Variants in RPH3AL observed in about 807,000 individuals in gnomAD.
RPH3AL encodes rab effector Noc2.
In RPH3AL, 38 loss-of-function variants were observed where a neutral mutation model predicts 43.1. The observed-to-expected ratio is 0.88, with a 90% CI of 0.68 to 1.15. The LOEUF (loss-of-function observed/expected upper bound fraction) is 1.15, where lower values mean the gene tolerates loss of function less well. Ranked by LOEUF, RPH3AL falls within the 50% of genes most tolerant of loss-of-function variation. RPH3AL has a pLI of 0.00. For synonymous variants in RPH3AL, 189 were observed against 176.3 expected (o/e 1.07, Z -0.57); for missense variants, 462 against 423.2 (o/e 1.09, Z -0.81).
chr17:332,691 TCAAGATTCCC>T lies in RPH3AL; in HGVS notation c.-37+1058_-37+1067del, dbSNP rs372449822. On this transcript the variant is annotated intron_variant, in intron 2 of 9. Coordinates refer to ENST00000331302, the MANE Select transcript of RPH3AL (RefSeq NM_006987.4). ...TGCTGACTCACAGGCCGTTTGTCCCTCAAGATTCCCCACGGGGTAGTCGGCCTCAAGGCAG... is the reference window on the plus strand; with the variant it reads ...TGCTGACTCACAGGCCGTTTGTCCCTCACGGGGTAGTCGGCCTCAAGGCAG... 642 of 241,670 alleles carry T rather than the reference TCAAGATTCCC, an allele frequency of 2.7e-3. 4 individuals carry two copies. Among genetic ancestry groups the T allele is most frequent in the African/African-American group, 0.013 (594 of 45,920 alleles). The allele number at this position is 241,670 out of a possible 1,614,324, so 15.0% of individuals were successfully genotyped here.
At position 264,960 on chromosome 17, in the gene RPH3AL, G is replaced by T. The variant is rs1440694892; in HGVS notation, c.438+16808C>A. ...TATAAGAAATTATGCTTTGAAAGTA[G>T]ATATAAAAGAATCAGTTAACAAAAC... On this transcript the variant is annotated intron_variant, in intron 6 of 9. Transcript: ENST00000331302. The surrounding 1 kb of genome is among the most constrained non-coding windows in gnomAD (Gnocchi z 4.8). Among the ~76,000 whole-genome samples the T allele has an allele frequency of 6.6e-6, 1 of 152,132 alleles. No individual in the cohort carries two copies. Among genetic ancestry groups the T allele is most frequent in the Non-Finnish European group, 1.5e-5 (1 of 68,024 alleles).
At chr17:286,465 G>A (rs1008803387) in intron 5 of RPH3AL, among the ~76,000 whole-genome samples, 3 of 152,120 alleles carry the variant, frequency 2.0e-5, no homozygotes, top group South Asian at 2.1e-4. Context: ...CCTAAGAGGC[G>A]AGGGCTACGG....
chr17:339,650 T>C (rs1282736572), intron 1 of RPH3AL: 1 of 152,228 alleles, frequency 6.6e-6, no homozygotes, highest in African/African-American at 2.4e-5. Flanking sequence ...TGGCACCAGG[T>C]GCCCAGTTTG....
intron 6 of RPH3AL, among the ~76,000 whole-genome samples, chr17:278,032 C>T (rs1214554279): frequency 6.6e-6 from 1 of 152,032 alleles, no homozygotes; most frequent in African/African-American, 2.4e-5. Context: ...ATGGTCTGAC[C>T]CACTCTATCG....
At chr17:321,238 T>C (rs1242089871) in intron 4 of RPH3AL, 34 bp downstream of exon 4, 2 of 1,590,790 alleles carry the variant, frequency 1.3e-6, no homozygotes, top group Non-Finnish European at 1.7e-6. Flanking sequence ...GCCCTTGCTG[T>C]CCTCCCACTG....
At chr17:214,805 T>TG (rs1489124571) in intron 9 of RPH3AL, 1 of 151,412 alleles carries the variant, frequency 6.6e-6, no homozygotes, top group Non-Finnish European at 1.5e-5. Context: ...TGGTTCAACC[T>TG]GGGGGTCTGC....
chr17:261,260 A>G (rs781797845), intron 6 of RPH3AL, among the ~76,000 whole-genome samples: 12 of 152,198 alleles, frequency 7.9e-5, no homozygotes, highest in Non-Finnish European at 1.5e-4. Flanking sequence ...GTGAGTGACA[A>G]TGGACCTTGG....
chr17:242,853 T>A (rs2041599352), intron 7 of RPH3AL, among the ~76,000 whole-genome samples: 1 of 133,778 alleles, frequency 7.5e-6, no homozygotes, highest in Non-Finnish European at 1.7e-5. Context: ...TTGATTACCT[T>A]CCTCTATTGA....
intron 2 of RPH3AL, chr17:332,913 A>AGGG: frequency 1.2e-6 from 1 of 861,214 alleles, no homozygotes; most frequent in East Asian, 6.4e-5. Flanking sequence ...CCCGCAGTAC[A>AGGG]GGGACTAGGA....
intron 6 of RPH3AL, among the ~76,000 whole-genome samples, chr17:278,338 A>G (rs1026838168): frequency 6.6e-6 from 1 of 152,162 alleles, no homozygotes; most frequent in African/African-American, 2.4e-5. Context: ...CCGTGAGTCC[A>G]TCAAGCCTCT....
intron 5 of RPH3AL, among the ~76,000 whole-genome samples, chr17:318,986 C>T (rs1271326641): frequency 6.6e-6 from 1 of 152,162 alleles, no homozygotes; most frequent in African/African-American, 2.4e-5. Context: ...TTATTGAGTG[C>T]CTATGTACCA....
chr17:281,936 G>A (rs1038981695), intron 5 of RPH3AL, 82 bp from the exon 6 acceptor site: 1 of 1,012,204 alleles, frequency 9.9e-7, no homozygotes. Context: ...GTAACGAAGG[G>A]ACACTTAGCA....
chr17:331,881 C>A lies in RPH3AL; in HGVS notation c.-37+1878G>T, dbSNP rs1240271095. On this transcript the variant is annotated intron_variant, in intron 2 of 9. Transcript: ENST00000331302. ...CTTGTACTCAGGTATGACCATTTGT[C>A]CTGGACAAAAATTAAACTGATGAGG... The A allele has an allele frequency of 2.3e-6, 3 of 1,288,722 alleles. No homozygotes were observed. In the African/African-American group the frequency reaches 4.6e-5, roughly 20 times the overall value. 79.8% of individuals were successfully genotyped at this position (1,288,722 alleles called of 1,614,324 possible).
intron 5 of RPH3AL, among the ~76,000 whole-genome samples, chr17:318,093 T>C (rs1171168542): frequency 6.6e-6 from 1 of 152,186 alleles, no homozygotes; most frequent in Non-Finnish European, 1.5e-5. Context: ...CTTAAAACCA[T>C]GACTAGCAGC....
chr17:334,696 AGG>A (rs2044898434), intron 1 of RPH3AL, among the ~76,000 whole-genome samples: 2 of 134,742 alleles, frequency 1.5e-5, no homozygotes, highest in Admixed American at 7.8e-5. Context: ...GACAGGGACA[AGG>A]ACAGGGACAA....
chr17:319,396 G>C, intron 5 of RPH3AL, 24 bp downstream of exon 5: 1 of 1,607,790 alleles, frequency 6.2e-7, no homozygotes, highest in Non-Finnish European at 8.5e-7. Flanking sequence ...AAGCCAGAAT[G>C]ACAGGGCCAG....
chr17:262,441 G>C (rs182579105), intron 6 of RPH3AL, among the ~76,000 whole-genome samples: 51 of 152,212 alleles, frequency 3.4e-4, no homozygotes, highest in Non-Finnish European at 5.4e-4. Flanking sequence ...GTCTTGAACT[G>C]CTGACCTCGT....
At chr17:347,940 A>C (rs2045272358) in intron 1 of RPH3AL, among the ~76,000 whole-genome samples, 1 of 151,980 alleles carries the variant, frequency 6.6e-6, no homozygotes, top group African/African-American at 2.4e-5. Flanking sequence ...CCGAGGTGGA[A>C]GGATTACTTG....
chr17:315,714 G>GA (rs2044055775), intron 5 of RPH3AL, among the ~76,000 whole-genome samples: 25 of 148,774 alleles, frequency 1.7e-4, no homozygotes, highest in African/African-American at 2.3e-4. Context: ...TAGTCCTTGT[G>GA]CCCCACCTCT....
Sources: gnomAD v4.1 joint callset for allele counts (sites outside exome capture counted in the v4.1 genomes callset) on GRCh38, gnomAD v4.1.1 for gene constraint, Gnocchi (gnomAD v3.1) non-coding constraint, MANE v1.5 for transcripts, NCBI Gene and HGNC (gene_info 2026-07-23, HGNC 2026-07-21) for gene names.